The following NRN1L variants were observed in gnomAD, a reference collection of about 807,000 sequenced individuals.
NRN1L encodes neuritin 1 like.
In NRN1L, 12 loss-of-function variants were observed where a neutral mutation model predicts 8.8. That is an observed-to-expected ratio of 1.36 (90% confidence interval 0.87 to 2.20). NRN1L has a LOEUF of 2.20. NRN1L is among the 30% of genes most tolerant of loss of function. The pLI, the probability that NRN1L is intolerant of heterozygous loss-of-function variation, is 0.00. For missense variants in NRN1L, 266 were observed against 232.4 expected (o/e 1.14, Z -0.94); for synonymous variants, 114 against 99.2 (o/e 1.15, Z -0.88).
Position 67,886,025 on chromosome 16 carries a change from G to A in NRN1L, c.264G>A (p.Pro88=), listed in dbSNP as rs149800685. 2,461 of 1,614,080 alleles carry A rather than the reference G, an allele frequency of 1.5e-3. 1 individual carries two copies. The highest frequency in any genetic ancestry group is 1.9e-3 in the Non-Finnish European group (2,288 of 1,179,966). ...CCTCTCAGGTCCTGTCAGGCTGTCC[G>A]GAGGAGGCAGCTGCAGTGTGGGAAT... ...ACASQVLSGC[P]EEAAAVWESL... is the part of the protein sequence containing the mutation. The change falls in exon 3 of 3, where the codon CCG becomes CCA. Residue 88 remains proline, a synonymous_variant. Coordinates refer to ENST00000339176, the MANE Select transcript of NRN1L (RefSeq NM_198443.2).
chr16:67,885,707 C>A lies in NRN1L; in HGVS notation c.80-15C>A. 1.4e-6 allele frequency: 2 copies of A among 1,404,048 alleles called. No homozygotes were observed. The highest frequency in any genetic ancestry group is 2.0e-6 in the Non-Finnish European group (2 of 1,017,856). 87.0% of individuals were successfully genotyped at this position (1,404,048 alleles called of 1,614,324 possible). A position where few individuals can be genotyped will look rare whatever the true frequency, so the allele number is the denominator to read the frequency against. On this transcript the variant is annotated splice_polypyrimidine_tract_variant and intron_variant, in intron 1 of 2. Coordinates refer to ENST00000339176, the MANE Select transcript of NRN1L (RefSeq NM_198443.2). ...CTACCATTCCTTCCCCACCCCACCCCCGCCCCACTTCTAGTCCTTTTACCT... is the reference window on the plus strand; with the variant it reads ...CTACCATTCCTTCCCCACCCCACCCACGCCCCACTTCTAGTCCTTTTACCT...
downstream of NRN1L, among the ~76,000 whole-genome samples, chr16:67,887,243 A>G (rs1285092298): frequency 2.0e-5 from 3 of 151,842 alleles, no homozygotes; most frequent in Admixed American, 6.6e-5. Flanking sequence ...AGGCACTGCC[A>G]TAGTCTCCTC....
At position 67,886,178 on chromosome 16, in the gene NRN1L, G is replaced by A. The variant is rs138120680; in HGVS notation, c.417G>A (p.Ala139=). The change falls in exon 3 of 3, where the codon GCG becomes GCA. Residue 139 remains alanine (A), a synonymous_variant. Transcript: ENST00000339176. ...ACCAGGAGACGCTGCGGGCTACAGC[G>A]CCTGCACTCCCCATGGCCCCTGCGC... ...ETNQETLRAT[A]PALPMAPAPP... 1.1e-5 allele frequency: 17 copies of A among 1,605,476 alleles called. No individual in the cohort carries two copies. In the African/African-American group the frequency reaches 1.5e-4, roughly 14 times the overall value.
chr16:67,885,713 C>CCCATCA lies in NRN1L; in HGVS notation c.80-9_80-8insCCATCA. 1 of 1,509,816 alleles carries CCCATCA rather than the reference C, an allele frequency of 6.6e-7. No individual in the cohort carries two copies. The highest frequency in any genetic ancestry group is 9.1e-7 in the Non-Finnish European group (1 of 1,104,184). 93.5% of individuals were successfully genotyped at this position (1,509,816 alleles called of 1,614,324 possible). On this transcript the variant is annotated splice_polypyrimidine_tract_variant and intron_variant, in intron 1 of 2. Transcript: ENST00000339176. ...TTCCTTCCCCACCCCACCCCCGCCC[C>CCCATCA]ACTTCTAGTCCTTTTACCTCCCCTG...
intron 1 of NRN1L, 29 bp from the exon 2 acceptor site, chr16:67,885,693 T>TCCCCCCC: frequency 6.4e-6 from 8 of 1,257,208 alleles, no homozygotes; most frequent in African/African-American, 1.5e-5. Flanking sequence ...TACCATTCCT[T>TCCCCCCC]CCCCACCCCA....
At chr16:67,885,693 T>TAC in intron 1 of NRN1L, 29 bp from the exon 2 acceptor site, 2 of 1,257,214 alleles carry the variant, frequency 1.6e-6, no homozygotes, top group Non-Finnish European at 1.1e-6. Context: ...TACCATTCCT[T>TAC]CCCCACCCCA....
Position 67,884,903 on chromosome 16 carries a change from G to A in NRN1L, c.-1G>A. ...CTCCTGCACTAGGCTCTCAGCCAGG[G>A]ATGATGCGCTGCTGCCGCCGCCGCT... On this transcript the variant is annotated 5_prime_UTR_variant, in exon 1 of 3. Transcript: ENST00000339176. This position sits in a 1 kb window ranked among gnomAD's most constrained non-coding sequence, Gnocchi z 4.1. 3 of 1,604,500 alleles carry A rather than the reference G, an allele frequency of 1.9e-6. No homozygotes were observed. Among genetic ancestry groups the A allele is most frequent in the South Asian group, 2.2e-5 (2 of 91,084 alleles).
chr16:67,885,067 G>T, intron 1 of NRN1L, 85 bp downstream of exon 1: 1 of 1,133,442 alleles, frequency 8.8e-7, no homozygotes, highest in East Asian at 2.4e-5. Context: ...GGGAACGCTG[G>T]GTGCCAGGGT....
chr16:67,887,637 C>T (rs2058100760), downstream of NRN1L, among the ~76,000 whole-genome samples: 5 of 149,246 alleles, frequency 3.4e-5, no homozygotes, highest in South Asian at 1.1e-3. Flanking sequence ...GGCTAGAGTG[C>T]AATGGCGCGA....
In NRN1L at chr16:67,885,863, G is replaced by A. The variant is rs201170067; in HGVS notation, c.212+9G>A. 1,195 of 1,570,810 alleles carry A rather than the reference G, an allele frequency of 7.6e-4. No individual in the cohort carries two copies. Among genetic ancestry groups the A allele is most frequent in the Non-Finnish European group, 9.6e-4 (1,117 of 1,158,300 alleles). ...CTGGAGACCATCTGCAGGTACCGGC[G>A]GGTGTGAGGCAGTGGCCCAACCTGT... On this transcript the variant is annotated intron_variant, in intron 2 of 2. Coordinates refer to ENST00000339176, the MANE Select transcript of NRN1L (RefSeq NM_198443.2).
At chr16:67,887,092 C>T (rs1198449142), downstream of NRN1L, among the ~76,000 whole-genome samples, 2 of 152,216 alleles carry the variant, frequency 1.3e-5, no homozygotes, top group East Asian at 1.9e-4. Context: ...CTCTTCATAC[C>T]GGTGGAAAGG....
At position 67,885,841 on chromosome 16, in the gene NRN1L, G is replaced by A. The variant is rs1325689732; in HGVS notation, c.199G>A (p.Glu67Lys). ...GDSMGRGGEL[E>K]TICRSWNDFH... ...CAGCATGGGCCGCGGAGGCGAGCTG[G>A]AGACCATCTGCAGGTACCGGCGGGT... is the stretch of plus-strand genomic sequence containing the variant. The change falls in exon 2 of 3, where the codon GAG (glutamate) becomes AAG (lysine). Residue 67 changes from glutamate to lysine, a missense_variant. Glu to Lys is a moderately conservative substitution (Grantham distance 56). Coordinates refer to ENST00000339176, the MANE Select transcript of NRN1L (RefSeq NM_198443.2). The A allele has an allele frequency of 1.9e-6, 3 of 1,576,908 alleles. No homozygotes were observed. The highest frequency in any genetic ancestry group is 2.7e-5 in the African/African-American group (2 of 73,924).
chr16:67,885,398 G>A, intron 1 of NRN1L: 1 of 471,156 alleles, frequency 2.1e-6, no homozygotes, highest in Non-Finnish European at 3.8e-6. Context: ...CGGGGCCTCT[G>A]GACCTCCCTC....
Position 67,886,143 on chromosome 16 carries a change from T to TC in NRN1L, c.384dup (p.Glu129ArgfsTer44). 6.2e-7 allele frequency: 1 copy of TC among 1,611,548 alleles called. No homozygotes were observed. The highest frequency in any genetic ancestry group is 8.5e-7 in the Non-Finnish European group (1 of 1,179,706). On this transcript the variant is annotated frameshift_variant, in exon 3 of 3. Coordinates refer to ENST00000339176, the MANE Select transcript of NRN1L (RefSeq NM_198443.2). LOFTEE classifies it low-confidence loss of function (END_TRUNC). Reference sequence around the variant, plus strand: ...GCATGTTCGGGAGCGCGGCACAGGCTCCGAAACCAACCAGGAGACGCTGCG... The same window carrying TC: ...GCATGTTCGGGAGCGCGGCACAGGCTCCCGAAACCAACCAGGAGACGCTGCG...
chr16:67,887,487 C>T (rs2058100102), downstream of NRN1L, among the ~76,000 whole-genome samples: 1 of 151,262 alleles, frequency 6.6e-6, no homozygotes, highest in Non-Finnish European at 1.5e-5. Flanking sequence ...CCAGGCTGGT[C>T]TCGAACTCCT....
In NRN1L at chr16:67,886,280, C is replaced by T. The variant is rs1015653539; in HGVS notation, c.*21C>T. On this transcript the variant is annotated 3_prime_UTR_variant, in exon 3 of 3. Coordinates refer to ENST00000339176, the MANE Select transcript of NRN1L (RefSeq NM_198443.2). The stretch of plus-strand genomic sequence containing the variant: ...CCTAGCTTGTTGGGTTGGGTAGCAG[C>T]GCCCGTACCTCCAGCCCTGCTCTGG... 2.9e-5 allele frequency: 45 copies of T among 1,559,834 alleles called. No homozygotes were observed. The highest frequency in any genetic ancestry group is 3.6e-5 in the Admixed American group (2 of 55,492).
downstream of NRN1L, among the ~76,000 whole-genome samples, chr16:67,888,508 G>C (rs967418002): frequency 2.6e-5 from 4 of 152,068 alleles, no homozygotes; most frequent in Non-Finnish European, 4.4e-5. Flanking sequence ...GGCTTGGGGA[G>C]GGGGGAAAGA....
chr16:67,887,834 G>T (rs1056768553), downstream of NRN1L, among the ~76,000 whole-genome samples: 1 of 151,966 alleles, frequency 6.6e-6, no homozygotes, highest in Non-Finnish European at 1.5e-5. Flanking sequence ...CACCCGCCTC[G>T]GCCTCCCAGT....
chr16:67,887,948 C>T (rs994326656), downstream of NRN1L, among the ~76,000 whole-genome samples: 2 of 152,192 alleles, frequency 1.3e-5, no homozygotes, highest in East Asian at 1.9e-4. Flanking sequence ...ATCACCTCCT[C>T]TAGGAACTAT....
Sources: gnomAD v4.1 joint callset for allele counts (sites outside exome capture counted in the v4.1 genomes callset) on GRCh38, gnomAD v4.1.1 for gene constraint, Gnocchi (gnomAD v3.1) non-coding constraint, MANE v1.5 for transcripts, NCBI Gene and HGNC (gene_info 2026-07-23, HGNC 2026-07-21) for gene names.